The following DEPDC1 variants were observed in gnomAD, a reference collection of about 807,000 sequenced individuals.
DEPDC1 encodes the protein DEP domain-containing protein 1A.
Under a neutral mutation model 86.8 loss-of-function variants are expected in DEPDC1, and 66 were observed. That is an observed-to-expected ratio of 0.76 (90% CI 0.62 to 0.93). DEPDC1 has a LOEUF of 0.93. Ranked by LOEUF, DEPDC1 falls within the 40% of genes least tolerant of loss-of-function variation. The probability of loss-of-function intolerance (pLI) is 0.00; values close to 1 mark genes in which losing one functional copy is unlikely to be tolerated. For missense variants in DEPDC1, 792 were observed against 935.7 expected (o/e 0.85, Z 2.00); for synonymous variants, 255 against 314.9 (o/e 0.81, Z 2.02).
chr1:68,475,775 T>C lies in DEPDC1; in HGVS notation c.*1157A>G, dbSNP rs1646110879. ...ATACTTGGCAGGCATTTTCTTCCAATGAAAAAATAAAGTCAATGTGCCATT... is the reference window on the plus strand; with the variant it reads ...ATACTTGGCAGGCATTTTCTTCCAACGAAAAAATAAAGTCAATGTGCCATT... On this transcript the variant is annotated 3_prime_UTR_variant, in exon 12 of 12. Transcript: ENST00000456315. The C allele has an allele frequency of 6.6e-6, 1 of 151,840 alleles. No homozygotes were observed. Among genetic ancestry groups the C allele is most frequent in the South Asian group, 2.1e-4 (1 of 4,828 alleles). The allele number at this position is 151,840 out of a possible 1,614,324, so 9.4% of individuals were successfully genotyped here. A position where few individuals can be genotyped will look rare whatever the true frequency, so the allele number is the denominator to read the frequency against.
chr1:68,496,653 C>A lies in DEPDC1; in HGVS notation c.48+299G>T. 1 of 354,770 alleles carries A rather than the reference C, an allele frequency of 2.8e-6. No individual in the cohort carries two copies. Among genetic ancestry groups the A allele is most frequent in the Non-Finnish European group, 5.1e-6 (1 of 196,686 alleles). 22.0% of individuals were successfully genotyped at this position (354,770 alleles called of 1,614,324 possible). On this transcript the variant is annotated intron_variant, in intron 1 of 11. Coordinates refer to ENST00000456315, the MANE Select transcript of DEPDC1 (RefSeq NM_001114120.3). This position sits in a 1 kb window ranked among gnomAD's most constrained non-coding sequence, Gnocchi z 4.0. Reference sequence around the variant, plus strand: ...GCCAAATCGGAATATTCTAAGACGCCCCCACGGGACGCCGGCCACACCAGG... The same window carrying A: ...GCCAAATCGGAATATTCTAAGACGCACCCACGGGACGCCGGCCACACCAGG...
chr1:68,483,855 A>T, intron 7 of DEPDC1, 95 bp downstream of exon 7: 1 of 809,546 alleles, frequency 1.2e-6, no homozygotes, highest in Non-Finnish European at 1.8e-6. Context: ...GTAGGCTGCC[A>T]CCTTTATATT....
intron 1 of DEPDC1, among the ~76,000 whole-genome samples, 187 bp from the exon 2 acceptor site, chr1:68,494,882 C>T (rs1331449642): frequency 6.6e-6 from 1 of 152,168 alleles, no homozygotes; most frequent in African/African-American, 2.4e-5. Context: ...GTGGCTCATG[C>T]CTGTAATCCC....
chr1:68,479,808 A>G (rs1371161305), intron 9 of DEPDC1, among the ~76,000 whole-genome samples: 1 of 119,674 alleles, frequency 8.4e-6, no homozygotes, highest in Non-Finnish European at 1.7e-5. Context: ...GTGTAACCAG[A>G]AAAAAAAAAA....
At position 68,496,957 on chromosome 1, in the gene DEPDC1, T is replaced by G. The variant is rs764629472; in HGVS notation, c.43A>C (p.Lys15Gln). ...GTCTATCCGAGCTGTCTTACCAGCTTGGTGGCCCGATAAGGCCCGGGAGGC... is the reference window on the plus strand; with the variant it reads ...GTCTATCCGAGCTGTCTTACCAGCTGGGTGGCCCGATAAGGCCCGGGAGGC... ...GVPPGPYRAT[K>Q]LWNEVTTSFR... Residue 15 changes from lysine to glutamine, a missense_variant, in exon 1 of 12, where the codon AAG becomes CAG. By Grantham distance (53) the Lys-to-Gln change is moderately conservative (BLOSUM62 1). Coordinates refer to ENST00000456315, the MANE Select transcript of DEPDC1 (RefSeq NM_001114120.3). This position sits in a 1 kb window ranked among gnomAD's most constrained non-coding sequence, Gnocchi z 4.0. 1 of 1,612,160 alleles carries G rather than the reference T, an allele frequency of 6.2e-7. No homozygotes were observed. Among genetic ancestry groups the G allele is most frequent in the South Asian group, 1.1e-5 (1 of 90,962 alleles).
intron 2 of DEPDC1, 59 bp downstream of exon 2, chr1:68,494,371 A>G (rs1051230927): frequency 6.2e-6 from 9 of 1,453,898 alleles, no homozygotes; most frequent in African/African-American, 5.7e-5. Context: ...AAAGTATAAT[A>G]TAAGTAGAGA....
Position 68,482,608 on chromosome 1 carries a change from A to G in DEPDC1, c.1200T>C (p.Cys400=). The G allele has an allele frequency of 6.2e-7, 1 of 1,612,942 alleles. No homozygotes were observed. Among genetic ancestry groups the G allele is most frequent in the Non-Finnish European group, 8.5e-7 (1 of 1,179,296 alleles). ...VSANDIMGGS[C]HNLIGLSNMH... is the part of the protein sequence containing the mutation. ...TATTACTTAACCCTATTAAATTATG[A>G]CAACTTCCTCCCATTATGTCATTAG... The change falls in exon 8 of 12, where the codon TGT becomes TGC. Residue 400 remains cysteine, a synonymous_variant. Transcript: ENST00000456315.
In DEPDC1 at chr1:68,482,577, C is replaced by G. The variant is rs776999335; in HGVS notation, c.1231G>C (p.Asp411His). 3 of 1,613,128 alleles carry G rather than the reference C, an allele frequency of 1.9e-6. No individual in the cohort carries two copies. In the South Asian group the frequency reaches 3.3e-5, roughly 18 times the overall value. Reference protein sequence around the residue: ...HNLIGLSNMHDLSSNSKPRCC... With the variant: ...HNLIGLSNMHHLSSNSKPRCC... ...CTTGGTTTGCTGTTAGAGGATAGATCATGCATATTACTTAACCCTATTAAA... is the reference window on the plus strand; with the variant it reads ...CTTGGTTTGCTGTTAGAGGATAGATGATGCATATTACTTAACCCTATTAAA... Residue 411 changes from aspartate to histidine, a missense_variant, in exon 8 of 12, where the codon GAT (aspartate) becomes CAT (histidine). By Grantham distance (81) the Asp-to-His change is moderately conservative (BLOSUM62 -1). Coordinates refer to ENST00000456315, the MANE Select transcript of DEPDC1 (RefSeq NM_001114120.3).
At chr1:68,481,896 G>T in intron 8 of DEPDC1, 150 bp downstream of exon 8, 1 of 789,700 alleles carries the variant, frequency 1.3e-6, no homozygotes, top group Non-Finnish European at 1.9e-6. Flanking sequence ...AATAAATCTT[G>T]GTTATGTCAC....
intron 4 of DEPDC1, 126 bp from the exon 5 acceptor site, chr1:68,488,630 T>A: frequency 2.5e-6 from 2 of 790,544 alleles, no homozygotes; most frequent in Non-Finnish European, 3.9e-6. Flanking sequence ...TTATATTTAG[T>A]ATCCCCTTTC....
At chr1:68,489,722 A>C in intron 2 of DEPDC1, 114 bp from the exon 3 acceptor site, 1 of 687,244 alleles carries the variant, frequency 1.5e-6, no homozygotes, top group South Asian at 2.4e-5. Flanking sequence ...CTACCAAGTA[A>C]TAAAGATTCT....
chr1:68,483,258 C>CT (rs1425903201), intron 7 of DEPDC1: 2 of 523,964 alleles, frequency 3.8e-6, no homozygotes, highest in Non-Finnish European at 7.6e-6. Flanking sequence ...TATATTTGAT[C>CT]TTTGTCCTTG....
chr1:68,483,109 T>C (rs975066639), intron 7 of DEPDC1: 3 of 580,886 alleles, frequency 5.2e-6, no homozygotes, highest in Admixed American at 3.1e-5. Context: ...GGTTTTCCCA[T>C]TTGTAATATA....
Position 68,477,062 on chromosome 1 carries a change from T to C in DEPDC1, c.2306A>G (p.Lys769Arg), listed in dbSNP as rs1646120865. 6.9e-6 allele frequency: 11 copies of C among 1,597,372 alleles called. No homozygotes were observed. Among genetic ancestry groups the C allele is most frequent in the Non-Finnish European group, 9.4e-6 (11 of 1,172,156 alleles). The change falls in exon 12 of 12, where the codon AAG becomes AGG. Residue 769 changes from lysine (K) to arginine (R), a missense_variant. By Grantham distance (26) the Lys-to-Arg change is conservative. Coordinates refer to ENST00000456315, the MANE Select transcript of DEPDC1 (RefSeq NM_001114120.3). ...EKRKKLKQFQ[K>R]EYPLIYQKRF... ...TTTCTGATATATCAAAGGATATTCC[T>C]TCTGAAACTTAAAAATGAGGTGAGA...
intron 5 of DEPDC1, 58 bp downstream of exon 5, chr1:68,488,316 T>C: frequency 6.6e-7 from 1 of 1,515,562 alleles, no homozygotes; most frequent in Non-Finnish European, 8.8e-7. Context: ...TTTACACTAC[T>C]ATAGCTGCAA....
chr1:68,494,768 G>T, intron 1 of DEPDC1, 73 bp from the exon 2 acceptor site: 1 of 1,224,378 alleles, frequency 8.2e-7, no homozygotes, highest in Non-Finnish European at 1.1e-6. Flanking sequence ...AAGTACATTA[G>T]GTAAAGAAAA....
intron 9 of DEPDC1, among the ~76,000 whole-genome samples, chr1:68,479,807 G>GA (rs61536358): frequency 0.1 from 11,323 of 108,580 alleles, 593 homozygotes; most frequent in African/African-American, 0.2. Context: ...TGTGTAACCA[G>GA]AAAAAAAAAA....
intron 10 of DEPDC1, among the ~76,000 whole-genome samples, chr1:68,478,250 AG>A (rs995456091): frequency 4.6e-5 from 7 of 151,992 alleles, no homozygotes; most frequent in African/African-American, 1.7e-4. Context: ...ATGTATAGAA[AG>A]GGCTCAGCCC....
At chr1:68,489,289 A>G (rs1646213701) in intron 3 of DEPDC1, among the ~76,000 whole-genome samples, 163 bp downstream of exon 3, 2 of 151,846 alleles carry the variant, frequency 1.3e-5, no homozygotes, top group South Asian at 4.1e-4. Flanking sequence ...TATTCTTTCT[A>G]TGGGTTACAA....
Sources: gnomAD v4.1 joint callset for allele counts (sites outside exome capture counted in the v4.1 genomes callset) on GRCh38, gnomAD v4.1.1 for gene constraint, Gnocchi (gnomAD v3.1) non-coding constraint, MANE v1.5 for transcripts, NCBI Gene and HGNC (gene_info 2026-07-23, HGNC 2026-07-21) for gene names.